The following CCDC125 variants were observed in gnomAD, a reference collection of about 807,000 sequenced individuals.
CCDC125 encodes the protein coiled-coil domain containing 125.
A neutral mutation model predicts 57.4 loss-of-function variants in CCDC125; 43 were observed. That is an observed-to-expected ratio of 0.75 (90% CI 0.59 to 0.97). The LOEUF is 0.97. CCDC125 is among the 50% of genes least tolerant of loss of function. The pLI is 0.00. For missense variants in CCDC125, 563 were observed against 595.7 expected, an observed-to-expected ratio of 0.95 and a Z score of 0.57; for synonymous variants, 187 against 195.2, an observed-to-expected ratio of 0.96 and a Z score of 0.35.
chr5:69,316,173 A>G (rs556993851), intron 2 of CCDC125, among the ~76,000 whole-genome samples: 1 of 152,318 alleles, frequency 6.6e-6, no homozygotes, highest in East Asian at 1.9e-4. Context: ...TGGCAGTGAC[A>G]AGTTCTGTTC....
Position 69,285,337 on chromosome 5 carries a change from CA to C in CCDC125, c.1229del (p.Leu410CysfsTer39). On this transcript the variant is annotated frameshift_variant and splice_region_variant, in exon 11 of 12. Coordinates refer to ENST00000396496, the MANE Select transcript of CCDC125 (RefSeq NM_176816.5). LOFTEE classifies it low-confidence loss of function (END_TRUNC). ...TGCAAAAAAAAGCAAAGACACTAAC[CA>C]AATCTATGAGCATCTTAAGGACCTC... ...PQEVLKMLIDLLNDKEEALAH... is the reference protein window; with the variant it reads ...PQEVLKMLIDXLNDKEEALAH... 6.2e-7 allele frequency: 1 copy of C among 1,608,598 alleles called. No individual in the cohort carries two copies. Among genetic ancestry groups the C allele is most frequent in the Non-Finnish European group, 8.5e-7 (1 of 1,178,560 alleles).
downstream of CCDC125, among the ~76,000 whole-genome samples, chr5:69,279,351 C>T (rs1282397817): frequency 6.6e-6 from 1 of 151,682 alleles, no homozygotes; most frequent in African/African-American, 2.4e-5. Flanking sequence ...TGCCCGCCAC[C>T]ACGCCCAGCT....
At chr5:69,274,989 G>A in the CCDC125 span, among the ~76,000 whole-genome samples, 44 of 151,838 alleles carry the variant, frequency 2.9e-4, no homozygotes, top group African/African-American at 7.0e-4. Context: ...ATGTGAACCC[G>A]GGAGGTGGAG....
chr5:69,293,474 A>G (rs888052491), intron 9 of CCDC125, among the ~76,000 whole-genome samples: 18 of 151,738 alleles, frequency 1.2e-4, no homozygotes, highest in African/African-American at 4.3e-4. Context: ...ACATAGTGAA[A>G]CCCCGTCTCT....
At chr5:69,299,323 A>T (rs909436287) in intron 8 of CCDC125, among the ~76,000 whole-genome samples, 37 of 152,146 alleles carry the variant, frequency 2.4e-4, no homozygotes, top group African/African-American at 8.4e-4. Context: ...GTTAGCCAGG[A>T]TGGTCTCGAT....
At chr5:69,286,289 T>C (rs975690190) in intron 10 of CCDC125, among the ~76,000 whole-genome samples, 2 of 143,386 alleles carry the variant, frequency 1.4e-5, no homozygotes, top group East Asian at 4.1e-4. Context: ...TGGAGTGCAG[T>C]GGCGCAATCT....
At chr5:69,301,808 A>G (rs1756495547) in intron 7 of CCDC125, among the ~76,000 whole-genome samples, 1 of 151,138 alleles carries the variant, frequency 6.6e-6, no homozygotes, top group Non-Finnish European at 1.5e-5. Context: ...GAGGCAGGAG[A>G]ATCACTTGAA....
In CCDC125 at chr5:69,285,871, G is replaced by A. The variant is rs1181758572; in HGVS notation, c.1100-404C>T. Among the ~76,000 whole-genome samples, 4 of 152,152 alleles carry A rather than the reference G, an allele frequency of 2.6e-5. 1 individual carries two copies. The highest frequency in any genetic ancestry group is 2.0e-4 in the Admixed American group (3 of 15,264). ...AGGCCACAGGGGGCCTCTGAGCCAT[G>A]CAAACTCTGCTTCCGAACAGCAAAG... On this transcript the variant is annotated intron_variant, in intron 10 of 11. Transcript: ENST00000396496.
At chr5:69,286,187 ACTATATATATATATAT>A (rs1202457643) in intron 10 of CCDC125, among the ~76,000 whole-genome samples, 12 of 53,942 alleles carry the variant, frequency 2.2e-4, no homozygotes, top group African/African-American at 8.2e-4. Flanking sequence ...CAAATGGTAA[ACTATATATATATATAT>A]ATATATATAT....
At chr5:69,301,141 T>A (rs10940212) in intron 7 of CCDC125, among the ~76,000 whole-genome samples, 61,063 of 148,986 alleles carry the variant, frequency 0.41, 12,859 homozygotes, top group East Asian at 0.5. Context: ...CCTGGCTAAT[T>A]TTTGTTTATT....
chr5:69,285,589 G>T, intron 10 of CCDC125, 122 bp from the exon 11 acceptor site: 2 of 978,702 alleles, frequency 2.0e-6, no homozygotes, highest in East Asian at 2.6e-5. Context: ...GGAATGTAGT[G>T]AGCAGAGCAC....
chr5:69,301,800 G>A (rs1487605949), intron 7 of CCDC125, among the ~76,000 whole-genome samples: 1 of 151,610 alleles, frequency 6.6e-6, no homozygotes, highest in Non-Finnish European at 1.5e-5. Flanking sequence ...AGGAAGTGGA[G>A]GCAGGAGAAT....
At chr5:69,276,796 A>G, downstream of CCDC125, 1 of 963,378 alleles carries the variant, frequency 1.0e-6, no homozygotes, top group Non-Finnish European at 1.5e-6. Context: ...CTTGCTAGCT[A>G]TTTAATTTTT....
chr5:69,275,869 A>C (rs1717177842), downstream of CCDC125, among the ~76,000 whole-genome samples: 3 of 152,144 alleles, frequency 2.0e-5, no homozygotes, highest in Admixed American at 2.0e-4. Flanking sequence ...ATGAAACATA[A>C]GTTTCATTTT....
intron 10 of CCDC125, among the ~76,000 whole-genome samples, chr5:69,286,475 G>A (rs1232904811): frequency 1.3e-5 from 2 of 150,884 alleles, no homozygotes; most frequent in African/African-American, 4.9e-5. Flanking sequence ...CTCATGATTC[G>A]CCCCCTCTTG....
intron 8 of CCDC125, among the ~76,000 whole-genome samples, chr5:69,299,148 C>G (rs1443195711): frequency 6.8e-6 from 1 of 146,838 alleles, no homozygotes; most frequent in South Asian, 2.1e-4. Context: ...CTCGCTCTTT[C>G]GCCCAGGCCA....
chr5:69,294,400 C>T (rs986785905), intron 9 of CCDC125, among the ~76,000 whole-genome samples: 2 of 151,726 alleles, frequency 1.3e-5, no homozygotes, highest in Non-Finnish European at 2.9e-5. Context: ...CTCCGCCTCC[C>T]GGATTCAAGC....
intron 2 of CCDC125, among the ~76,000 whole-genome samples, chr5:69,315,462 C>CAAAAAAAAAAAA (rs1227842099): frequency 8.1e-5 from 2 of 24,684 alleles, no homozygotes; most frequent in Non-Finnish European, 1.0e-4. Flanking sequence ...AAAAAAAAAA[C>CAAAAAAAAAAAA]AAAAAAAAAA....
intron 1 of CCDC125, among the ~76,000 whole-genome samples, chr5:69,322,882 C>A (rs1192816061): frequency 1.3e-5 from 2 of 151,588 alleles, no homozygotes; most frequent in Non-Finnish European, 2.9e-5. Context: ...TTTAAATTAG[C>A]TGGTGGCACA....
Sources: allele counts gnomAD v4.1 joint callset (sites outside exome capture counted in the v4.1 genomes callset), GRCh38; gene constraint gnomAD v4.1.1; transcripts MANE v1.5; gene names NCBI Gene and HGNC (gene_info 2026-07-23, HGNC 2026-07-21).